The following VWC2L variants were observed in gnomAD, a reference collection of about 807,000 sequenced individuals.
The protein encoded by VWC2L is von Willebrand factor C domain containing 2 like.
A neutral mutation model predicts 21.6 loss-of-function variants in VWC2L; 10 were observed. The ratio of observed to expected loss-of-function variants is 0.46; its 90% CI spans 0.29 to 0.78. The LOEUF (loss-of-function observed/expected upper bound fraction) is 0.78, where lower values mean the gene tolerates loss of function less well. VWC2L is among the 30% of genes least tolerant of loss of function. VWC2L has a pLI of 0.10. For missense variants in VWC2L, 209 were observed against 277.1 expected (o/e 0.75, Z 1.74); for synonymous variants, 96 against 94.3 (o/e 1.02, Z -0.10).
At chr2:214,559,768 AT>A (rs1689935880) in intron 3 of VWC2L, among the ~76,000 whole-genome samples, 1 of 152,018 alleles carries the variant, frequency 6.6e-6, no homozygotes, top group South Asian at 2.1e-4. Flanking sequence ...TGCCCAGCTA[AT>A]TTTTTTAAAA....
intron 3 of VWC2L, among the ~76,000 whole-genome samples, chr2:214,519,250 G>C (rs937474578): frequency 6.6e-6 from 1 of 152,054 alleles, no homozygotes; most frequent in Non-Finnish European, 1.5e-5. Context: ...ATGTACTGCT[G>C]CTCTTTCACC....
intron 3 of VWC2L, among the ~76,000 whole-genome samples, chr2:214,565,041 T>C (rs537838627): frequency 1.3e-5 from 2 of 152,308 alleles, no homozygotes; most frequent in African/African-American, 4.8e-5. Flanking sequence ...TACCCACTTA[T>C]CTGCATAATC....
chr2:214,411,673 A>G lies in VWC2L; in HGVS notation c.-194A>G, dbSNP rs906166679. On this transcript the variant is annotated 5_prime_UTR_variant, in exon 1 of 4. Coordinates refer to ENST00000312504, the MANE Select transcript of VWC2L (RefSeq NM_001080500.4). ...TGGATTGCCTTTAATTCATGCCTAA[A>G]AAATGTATTCTTTGGGTAATTAAAG... 2.6e-5 allele frequency: 4 copies of G among 152,172 alleles called. No individual in the cohort carries two copies. Among genetic ancestry groups the G allele is most frequent in the African/African-American group, 9.7e-5 (4 of 41,436 alleles). The allele number at this position is 152,172 out of a possible 1,614,324, so 9.4% of individuals were successfully genotyped here. A position where few individuals can be genotyped will look rare whatever the true frequency, so the allele number is the denominator to read the frequency against.
intron 3 of VWC2L, among the ~76,000 whole-genome samples, chr2:214,481,301 T>A (rs1247969823): frequency 6.6e-6 from 1 of 152,224 alleles, no homozygotes; most frequent in Non-Finnish European, 1.5e-5. Flanking sequence ...GCTTCTGTTT[T>A]CATCATCTTG....
intron 3 of VWC2L, among the ~76,000 whole-genome samples, chr2:214,520,058 T>TACACACACACACACACACACACACAC (rs60850327): frequency 1.4e-5 from 2 of 143,152 alleles, no homozygotes; most frequent in Non-Finnish European, 3.0e-5. Flanking sequence ...GCTCCTGTTA[T>TACACACACACACACACACACACACAC]ACACACACAC....
chr2:214,484,404 T>A (rs1297610310), intron 3 of VWC2L, among the ~76,000 whole-genome samples: 13 of 152,178 alleles, frequency 8.5e-5, no homozygotes, highest in Admixed American at 8.5e-4. Context: ...TACCTTGCCT[T>A]AAAAGGAAGG....
intron 3 of VWC2L, among the ~76,000 whole-genome samples, chr2:214,480,031 C>A (rs1388686210): frequency 1.3e-5 from 2 of 152,036 alleles, no homozygotes; most frequent in Non-Finnish European, 2.9e-5. Context: ...ACTACTTACA[C>A]AGAATTTACG....
intron 1 of VWC2L, among the ~76,000 whole-genome samples, chr2:214,412,387 T>C (rs1702291280): frequency 6.6e-6 from 1 of 152,140 alleles, no homozygotes; most frequent in South Asian, 2.1e-4. Context: ...GATGTATAAA[T>C]GCTTGCTTTA....
intron 2 of VWC2L, among the ~76,000 whole-genome samples, chr2:214,421,886 T>A (rs961754029): frequency 1.7e-5 from 1 of 60,030 alleles, no homozygotes; most frequent in Non-Finnish European, 3.0e-5. Context: ...TTCCTACATC[T>A]TTTTTTTTTT....
intron 3 of VWC2L, among the ~76,000 whole-genome samples, chr2:214,562,078 T>C (rs1283220028): frequency 1.3e-5 from 2 of 152,086 alleles, no homozygotes; most frequent in Non-Finnish European, 2.9e-5. Flanking sequence ...AATGATTTGC[T>C]GCACCTATCA....
chr2:214,540,345 G>C lies in VWC2L; in HGVS notation c.521-35327G>C, dbSNP rs866215825. On this transcript the variant is annotated intron_variant, in intron 3 of 3. Coordinates refer to ENST00000312504, the MANE Select transcript of VWC2L (RefSeq NM_001080500.4). ...CCATTTTAAAATTGAGGACACTGAA[G>C]CTCAGAAGAGTTAGGCAACATAGGC... Among the ~76,000 whole-genome samples the C allele has an allele frequency of 2.6e-5, 4 of 152,234 alleles. No individual in the cohort carries two copies. In the Middle Eastern group the frequency reaches 0.01, roughly 388 times the overall value.
At chr2:214,494,813 G>A (rs1196781626) in intron 3 of VWC2L, among the ~76,000 whole-genome samples, 1 of 151,386 alleles carries the variant, frequency 6.6e-6, no homozygotes, top group Non-Finnish European at 1.5e-5. Context: ...TGGTGTCTTG[G>A]GTGTTTTCTT....
intron 3 of VWC2L, among the ~76,000 whole-genome samples, chr2:214,564,490 G>A (rs1025640197): frequency 1.3e-5 from 2 of 151,624 alleles, no homozygotes; most frequent in Non-Finnish European, 2.9e-5. Flanking sequence ...TATATTTCCA[G>A]CACATCTCAG....
At chr2:214,423,068 A>G (rs1173126352) in intron 2 of VWC2L, among the ~76,000 whole-genome samples, 7 of 152,174 alleles carry the variant, frequency 4.6e-5, no homozygotes, top group African/African-American at 1.7e-4. Context: ...ACCAAAGCTC[A>G]GAAGGTTTTT....
intron 3 of VWC2L, among the ~76,000 whole-genome samples, chr2:214,480,591 T>A (rs967087414): frequency 4.6e-5 from 7 of 152,116 alleles, no homozygotes; most frequent in African/African-American, 1.4e-4. Flanking sequence ...CACTTCTTGG[T>A]GTCAGGGACC....
chr2:214,545,566 A>T (rs1302952375), intron 3 of VWC2L, among the ~76,000 whole-genome samples: 1 of 152,210 alleles, frequency 6.6e-6, no homozygotes, highest in Admixed American at 6.5e-5. Flanking sequence ...ATATTTCAAA[A>T]TACAATATAA....
At chr2:214,559,304 G>A (rs1689926818) in intron 3 of VWC2L, among the ~76,000 whole-genome samples, 1 of 152,098 alleles carries the variant, frequency 6.6e-6, no homozygotes, top group African/African-American at 2.4e-5. Context: ...TCTCACACCA[G>A]TTAGAATGGC....
rs545262146 is a variant in VWC2L, at chr2:214,481,384, G to A, written c.520+44626G>A. On this transcript the variant is annotated intron_variant, in intron 3 of 3. Transcript: ENST00000312504. ...TATGAGAGACTATGTGGAGAAAAAG[G>A]CTCAGCTGACAGCTAGGACTGGGAT... Among the ~76,000 whole-genome samples the A allele has an allele frequency of 1.1e-4, 16 of 152,254 alleles. 2 individuals carry two copies. In the South Asian group the frequency reaches 3.3e-3, roughly 32 times the overall value.
chr2:214,441,279 A>T (rs200832636), intron 3 of VWC2L, among the ~76,000 whole-genome samples: 1 of 152,194 alleles, frequency 6.6e-6, no homozygotes, highest in Non-Finnish European at 1.5e-5. Context: ...AAAATTGTTA[A>T]TATATCTAAT....
Sources: allele counts gnomAD v4.1 joint callset (sites outside exome capture counted in the v4.1 genomes callset), GRCh38; gene constraint gnomAD v4.1.1; transcripts MANE v1.5; gene names NCBI Gene and HGNC (gene_info 2026-07-23, HGNC 2026-07-21).